KLHL13: variants seen among roughly 807,000 people sequenced by gnomAD.
The protein encoded by KLHL13 is kelch-like protein 13.
A neutral mutation model predicts 37.1 loss-of-function variants in KLHL13; 10 were observed. The observed-to-expected ratio is 0.27, with a 90% confidence interval of 0.17 to 0.46. The LOEUF (loss-of-function observed/expected upper bound fraction) is 0.46. Ranked by LOEUF, KLHL13 falls within the 20% of genes least tolerant of loss-of-function variation. The pLI, the probability that KLHL13 is intolerant of heterozygous loss-of-function variation, is 1.00. For synonymous variants in KLHL13, 163 were observed against 181.2 expected (o/e 0.90, Z 0.81); for missense variants, 360 against 509.3 (o/e 0.71, Z 2.82).
chrX:118,043,604 G>T (rs2054528298), intron 1 of KLHL13, among the ~76,000 whole-genome samples: 2 of 111,758 alleles, frequency 1.8e-5, no homozygotes, highest in South Asian at 7.5e-4. Context: ...AATCAATGTG[G>T]TATATAATAT....
intron 1 of KLHL13, among the ~76,000 whole-genome samples, chrX:117,953,260 A>G (rs1933726892): frequency 9.0e-6 from 1 of 111,153 alleles, no homozygotes; most frequent in Non-Finnish European, 1.9e-5. Context: ...TTGTAGGGAC[A>G]TGGATGAAAT....
chrX:117,978,971 C>A lies in KLHL13; in HGVS notation c.-55-33396G>T, dbSNP rs193048077. On this transcript the variant is annotated intron_variant, in intron 1 of 6. Coordinates refer to the KLHL13 transcript ENST00000371882. The stretch of plus-strand genomic sequence containing the variant: ...TTTGAGACAGAGTCTCATTCTGTAG[C>A]CCAGGCTGGAGTGCAGTGCCACGAT... Among the ~76,000 whole-genome samples, 160 of 110,848 alleles carry A rather than the reference C, an allele frequency of 1.4e-3. 1 individual carries two copies. Among genetic ancestry groups the A allele is most frequent in the African/African-American group, 4.0e-3 (121 of 30,501 alleles).
At chrX:118,112,317 G>T (rs984548890) in intron 1 of KLHL13, among the ~76,000 whole-genome samples, 3 of 112,168 alleles carry the variant, frequency 2.7e-5, no homozygotes, top group African/African-American at 6.5e-5. Context: ...CAAACCGGAT[G>T]AGGTCTAGGT....
chrX:117,945,509 T>C, exon 2 of KLHL13: 2 of 1,206,327 alleles, frequency 1.7e-6, no homozygotes, highest in Non-Finnish European at 2.2e-6. Context: ...GCAAATGGGA[T>C]GAGAGGCCCA....
exon 7 of KLHL13, chrX:117,899,055 C>A: frequency 8.3e-7 from 1 of 1,211,132 alleles, no homozygotes; most frequent in South Asian, 1.8e-5. Flanking sequence ...GATCATATTT[C>A]TGCACTATCT....
chrX:117,908,463 A>G (rs937398485), intron 5 of KLHL13, among the ~76,000 whole-genome samples: 4 of 110,031 alleles, frequency 3.6e-5, no homozygotes, highest in Non-Finnish European at 7.6e-5. Context: ...TTTATAATAG[A>G]GAATAAAATA....
chrX:117,968,406 G>A (rs2053472161), intron 1 of KLHL13, among the ~76,000 whole-genome samples: 1 of 111,381 alleles, frequency 9.0e-6, no homozygotes, highest in South Asian at 3.7e-4. Context: ...GACTTTTAAG[G>A]TCACTTCTAT....
intron 1 of KLHL13, among the ~76,000 whole-genome samples, chrX:117,952,088 A>G (rs1055044427): frequency 1.6e-4 from 18 of 111,563 alleles, no homozygotes; most frequent in African/African-American, 5.9e-4. Flanking sequence ...AAGAGCCCGC[A>G]TCGCCAAGTC....
intron 1 of KLHL13, among the ~76,000 whole-genome samples, chrX:118,060,303 T>G (rs888620703): frequency 9.0e-6 from 1 of 111,339 alleles, no homozygotes; most frequent in African/African-American, 3.3e-5. Context: ...GACCTGGATG[T>G]GAGGTACTAT....
At chrX:118,004,091 C>T (rs1173518332) in intron 1 of KLHL13, among the ~76,000 whole-genome samples, 1 of 111,189 alleles carries the variant, frequency 9.0e-6, no homozygotes, top group Non-Finnish European at 1.9e-5. Flanking sequence ...TGTGAAGGAA[C>T]TGGTCAAATA....
intron 1 of KLHL13, among the ~76,000 whole-genome samples, chrX:118,081,138 G>T (rs1300570897): frequency 2.7e-5 from 3 of 111,411 alleles, no homozygotes; most frequent in Non-Finnish European, 5.7e-5. Flanking sequence ...TGGGGCATGG[G>T]TTAAAAAGCT....
At chrX:117,954,489 A>G (rs552215594) in intron 1 of KLHL13, among the ~76,000 whole-genome samples, 17 of 112,145 alleles carry the variant, frequency 1.5e-4, no homozygotes, top group Admixed American at 5.7e-4. Flanking sequence ...AATCCATTCT[A>G]TTTTCTGAAT....
intron 1 of KLHL13, among the ~76,000 whole-genome samples, 200 bp downstream of exon 2, chrX:118,028,224 T>C (rs187838643): frequency 8.9e-6 from 1 of 111,818 alleles, no homozygotes; most frequent in African/African-American, 3.2e-5. Flanking sequence ...ATATTCTCTA[T>C]TTTTTCATTA....
chrX:118,049,787 T>C (rs1218934736), intron 1 of KLHL13, among the ~76,000 whole-genome samples: 1 of 111,939 alleles, frequency 8.9e-6, no homozygotes, highest in Non-Finnish European at 1.9e-5. Flanking sequence ...CAGAGAGGTA[T>C]GTTCACAGCT....
rs192044206 is a variant in KLHL13 at position 117,940,661 on chromosome X, C to T, written c.240+4773G>A. Among the ~76,000 whole-genome samples, 11 of 111,423 alleles carry T rather than the reference C, an allele frequency of 9.9e-5. No individual in the cohort carries two copies. The East Asian group carries it at 2.3e-3, about 23-fold the overall frequency. On this transcript the variant is annotated intron_variant, in intron 2 of 6. Coordinates refer to ENST00000262820, the Ensembl canonical transcript of KLHL13. ...TTCTCCTTGAAGAGGTCCTTCACAT[C>T]GCTTGTAAGTTGGATTCCTAGGTAT...
At chrX:118,007,674 T>C (rs763748488) in intron 1 of KLHL13, among the ~76,000 whole-genome samples, 6 of 111,553 alleles carry the variant, frequency 5.4e-5, no homozygotes, top group East Asian at 2.8e-4. Flanking sequence ...TGTGCTGATA[T>C]AGGAAAACAT....
chrX:117,999,257 G>A (rs1164454473), intron 1 of KLHL13, among the ~76,000 whole-genome samples: 2 of 111,446 alleles, frequency 1.8e-5, no homozygotes, highest in Admixed American at 9.6e-5. Context: ...TGCTTATTGC[G>A]GCACTACTCA....
intron 1 of KLHL13, chrX:117,983,549 A>C (rs1391982194): frequency 8.8e-7 from 1 of 1,131,183 alleles, no homozygotes; most frequent in Admixed American, 2.7e-5. Flanking sequence ...CCGTCTCCTG[A>C]AAGTGGAGTG....
intron 1 of KLHL13, among the ~76,000 whole-genome samples, chrX:118,019,592 C>A (rs1292079493): frequency 9.0e-6 from 1 of 111,078 alleles, no homozygotes; most frequent in Non-Finnish European, 1.9e-5. Flanking sequence ...AATGGTATTG[C>A]CTAGGTTTCC....
Sources: gnomAD v4.1 joint callset for allele counts (sites outside exome capture counted in the v4.1 genomes callset) on GRCh38, gnomAD v4.1.1 for gene constraint, MANE v1.5 for transcripts, NCBI Gene and HGNC (gene_info 2026-07-23, HGNC 2026-07-21) for gene names.